IL3RA: variants seen among roughly 807,000 people sequenced by gnomAD.
IL3RA encodes interleukin-3 receptor subunit alpha.
Under a neutral mutation model 52.3 loss-of-function variants are expected in IL3RA, and 73 were observed. That is an observed-to-expected ratio of 1.40 (90% CI 1.16 to 1.70). IL3RA has a LOEUF of 1.70. IL3RA is among the 40% of genes most tolerant of loss of function. The pLI is 0.00. For missense variants in IL3RA, 664 were observed against 504.4 expected (o/e 1.32, Z -3.03); for synonymous variants, 260 against 194.0 (o/e 1.34, Z -2.83).
At chrX:1,344,731 C>G (rs1192146632) in intron 2 of IL3RA, among the ~76,000 whole-genome samples, 1 of 151,562 alleles carries the variant, frequency 6.6e-6, no homozygotes, top group East Asian at 1.9e-4. Context: ...TGAGATCGTG[C>G]CACTGCACTC....
At chrX:1,357,926 C>T (rs1174836488) in intron 7 of IL3RA, among the ~76,000 whole-genome samples, 1 of 150,248 alleles carries the variant, frequency 6.7e-6, no homozygotes, top group South Asian at 2.1e-4. Flanking sequence ...CATGGTAAAA[C>T]CCCGTCTCTA....
rs1156722120 is a variant in IL3RA, at chrX:1,361,755, GAAA to G, written c.759+2888_759+2890del. ...GTGACAGAGTGAGACTCCGTCTCGA[GAAA>G]AAAAAAAAAAAAAAAAAAATGAGAG... On this transcript the variant is annotated intron_variant, in intron 8 of 11. Coordinates refer to ENST00000331035, the MANE Select transcript of IL3RA (RefSeq NM_002183.4). Among the ~76,000 whole-genome samples the G allele has an allele frequency of 2.9e-3, 238 of 81,736 alleles. 3 individuals are homozygous for G. The highest frequency in any genetic ancestry group is 0.01 in the African/African-American group (204 of 20,284). 53.6% of individuals were successfully genotyped at this position (81,736 alleles called of 152,430 possible).
intron 6 of IL3RA, among the ~76,000 whole-genome samples, chrX:1,355,192 G>C (rs1392071072): frequency 9.3e-5 from 1 of 10,754 alleles, no homozygotes; most frequent in African/African-American, 6.3e-4. Context: ...AGGGGGAGGA[G>C]GGTGGAGGGG....
intron 9 of IL3RA, among the ~76,000 whole-genome samples, chrX:1,378,083 G>C (rs1433306921): frequency 6.6e-6 from 1 of 150,770 alleles, no homozygotes; most frequent in African/African-American, 2.4e-5. Flanking sequence ...CTACTCGGGA[G>C]GCAGGGGCAG....
At chrX:1,348,736 T>C (rs111657079) in intron 4 of IL3RA, among the ~76,000 whole-genome samples, 191 bp downstream of exon 4, 14 of 104,856 alleles carry the variant, frequency 1.3e-4, no homozygotes, top group South Asian at 6.1e-4. Context: ...TTCTTTTTCT[T>C]TCTTTCTTTC....
At chrX:1,345,617 G>A (rs2085708619) in intron 3 of IL3RA, among the ~76,000 whole-genome samples, 183 bp downstream of exon 3, 1 of 151,750 alleles carries the variant, frequency 6.6e-6, no homozygotes, top group Non-Finnish European at 1.5e-5. Context: ...AACCTCCCGA[G>A]TAGCTGGGAC....
At position 1,356,228 on chromosome X, in the gene IL3RA, A is replaced by C. The variant is rs1179114912; in HGVS notation, c.624A>C (p.Leu208Phe). The change falls in exon 7 of 12, where the codon TTA becomes TTC. Residue 208 changes from leucine (L) to phenylalanine (F), a missense_variant. Coordinates refer to ENST00000331035, the MANE Select transcript of IL3RA (RefSeq NM_002183.4). ...TGTTTTTCTCGTTGCTAGAGATATTAACTCCACCCAACATGACTGCAAAGT... is the reference window on the plus strand; with the variant it reads ...TGTTTTTCTCGTTGCTAGAGATATTCACTCCACCCAACATGACTGCAAAGT... Reference protein sequence around the residue: ...KFVVFSQIEILTPPNMTAKCN... With the variant: ...KFVVFSQIEIFTPPNMTAKCN... 1 of 1,600,620 alleles carries C rather than the reference A, an allele frequency of 6.2e-7. No individual in the cohort carries two copies. The highest frequency in any genetic ancestry group is 1.3e-5 in the African/African-American group (1 of 74,600).
intron 1 of IL3RA, among the ~76,000 whole-genome samples, chrX:1,340,336 G>C (rs1170246733): frequency 6.6e-6 from 1 of 151,972 alleles, no homozygotes; most frequent in Non-Finnish European, 1.5e-5. Context: ...GGCTGGTCTT[G>C]AACTCCTGAC....
chrX:1,382,595 A>T lies in IL3RA; in HGVS notation c.*130A>T. On this transcript the variant is annotated 3_prime_UTR_variant, in exon 12 of 12. Transcript: ENST00000331035. ...ATTCCTAACGGGTGGTGGGCATGGG[A>T]GATGCCTGTGTAATTTCGTCCGAAG... The T allele has an allele frequency of 1.3e-6, 1 of 798,342 alleles. No homozygotes were observed. The highest frequency in any genetic ancestry group is 2.2e-6 in the Non-Finnish European group (1 of 457,856). The allele number at this position is 798,342 out of a possible 1,614,324, so 49.5% of individuals were successfully genotyped here. A position where few individuals can be genotyped will look rare whatever the true frequency, so the allele number is the denominator to read the frequency against.
At chrX:1,360,402 G>A (rs765990587) in intron 8 of IL3RA, among the ~76,000 whole-genome samples, 3 of 146,964 alleles carry the variant, frequency 2.0e-5, no homozygotes, top group African/African-American at 7.6e-5. Flanking sequence ...CCAAATCTGT[G>A]TCTCTGTCTC....
Position 1,347,437 on chromosome X carries a change from T to TC in IL3RA, c.184-993dup, listed in dbSNP as rs1291601335. 4.7e-5 allele frequency among the ~76,000 whole-genome samples: 7 copies of TC among 149,490 alleles called. 1 individual carries two copies. Among genetic ancestry groups the TC allele is most frequent in the African/African-American group, 1.8e-4 (7 of 39,292 alleles). On this transcript the variant is annotated intron_variant, in intron 3 of 11. Transcript: ENST00000331035. ...TCCAGCCTGGGCGACAGAGCGAGAC[T>TC]CTGTCTCAAAAAAACAAAAACAAAA...
chrX:1,382,032 C>G (rs1382880733), intron 11 of IL3RA, among the ~76,000 whole-genome samples: 4 of 151,816 alleles, frequency 2.6e-5, no homozygotes, highest in South Asian at 2.1e-4. Context: ...GCAACCTCCA[C>G]CTTCCCGGTT....
chrX:1,367,806 AGCGGGGTGCGCG>A (rs2088268796), intron 9 of IL3RA, among the ~76,000 whole-genome samples: 3 of 138,986 alleles, frequency 2.2e-5, no homozygotes, highest in African/African-American at 8.2e-5. Flanking sequence ...GCGCCGGGTG[AGCGGGGTGCGCG>A]GGGTGAGCGG....
chrX:1,381,587 G>A lies in IL3RA; in HGVS notation c.1062+483G>A, dbSNP rs767093234. 4.0e-5 allele frequency among the ~76,000 whole-genome samples: 6 copies of A among 151,264 alleles called. No individual in the cohort carries two copies. In the East Asian group the frequency reaches 1.2e-3, roughly 29 times the overall value. ...AGTTTTGCTCTTGTTGCCCAGGCTAGAGTGCAATGGTGCGATCTTGGCTCA... is the reference window on the plus strand; with the variant it reads ...AGTTTTGCTCTTGTTGCCCAGGCTAAAGTGCAATGGTGCGATCTTGGCTCA... On this transcript the variant is annotated intron_variant, in intron 11 of 11. Transcript: ENST00000331035.
At position 1,348,503 on chromosome X, in the gene IL3RA, GC is replaced by G; in HGVS notation, c.258del (p.Asn87ThrfsTer24). 3 of 1,613,818 alleles carry G rather than the reference GC, an allele frequency of 1.9e-6. No individual in the cohort carries two copies. The highest frequency in any genetic ancestry group is 2.5e-6 in the Non-Finnish European group (3 of 1,179,834). ...AGTGACCAACTACACCGTCCGAGTG[GC>G]CAACCCACCATTCTCCACGTGGATC... ...CEVTNYTVRV[A>X]NPPFSTWILF... On this transcript the variant is annotated frameshift_variant, in exon 4 of 12. Coordinates refer to ENST00000331035, the MANE Select transcript of IL3RA (RefSeq NM_002183.4). LOFTEE classifies it high-confidence loss of function.
At chrX:1,349,018 C>G (rs1241849827) in intron 4 of IL3RA, among the ~76,000 whole-genome samples, 1 of 149,084 alleles carries the variant, frequency 6.7e-6, no homozygotes, top group Non-Finnish European at 1.5e-5. Flanking sequence ...CCTCTCCCCT[C>G]TCCTTTCCTG....
chrX:1,365,359 G>C lies in IL3RA; in HGVS notation c.874+107G>C, dbSNP rs1402255092. 29 of 424,482 alleles carry C rather than the reference G, an allele frequency of 6.8e-5. 1 individual carries two copies. The African/African-American group carries it at 7.0e-4, about 10-fold the overall frequency. 26.3% of individuals were successfully genotyped at this position (424,482 alleles called of 1,614,324 possible). On this transcript the variant is annotated intron_variant, in intron 9 of 11. Transcript: ENST00000331035. ...GTGCGCGGGGTGAGCGGGGTGAGCG[G>C]GGTGAGCCGGGTGCGCGGGGTGAGC...
intron 3 of IL3RA, among the ~76,000 whole-genome samples, chrX:1,345,863 G>A (rs190769607): frequency 5.1e-4 from 78 of 152,044 alleles, no homozygotes; most frequent in African/African-American, 1.6e-3. Flanking sequence ...TGCTCCCATC[G>A]CTGGTGTCAT....
chrX:1,357,217 G>C (rs182112440), intron 7 of IL3RA, among the ~76,000 whole-genome samples: 1 of 152,154 alleles, frequency 6.6e-6, no homozygotes, highest in Non-Finnish European at 1.5e-5. Flanking sequence ...GCCTCCCAAA[G>C]TGCTGGGATT....
Sources: allele counts gnomAD v4.1 joint callset (sites outside exome capture counted in the v4.1 genomes callset), GRCh38; gene constraint gnomAD v4.1.1; transcripts MANE v1.5; gene names NCBI Gene and HGNC (gene_info 2026-07-23, HGNC 2026-07-21).